NTNG1: variants seen among roughly 807,000 people sequenced by gnomAD.
NTNG1 encodes the protein netrin G1.
NTNG1 carries 16 observed loss-of-function variants against 54.0 expected under a neutral mutation model. That is an observed-to-expected ratio of 0.30 (90% CI 0.20 to 0.45). The LOEUF (loss-of-function observed/expected upper bound fraction) is 0.45. Among genes scored for constraint, NTNG1 ranks in the 20% least tolerant of loss-of-function variants. NTNG1 has a pLI of 1.00. For synonymous variants in NTNG1, 255 were observed against 263.1 expected (o/e 0.97, Z 0.30); for missense variants, 530 against 678.7 (o/e 0.78, Z 2.43).
At chr1:107,171,299 T>C (rs938476787) in intron 2 of NTNG1, among the ~76,000 whole-genome samples, 2 of 152,188 alleles carry the variant, frequency 1.3e-5, no homozygotes, top group South Asian at 4.1e-4. Flanking sequence ...TGTGTGTGTG[T>C]ATATATATAT....
At chr1:107,407,638 AT>A (rs1419822271) in intron 4 of NTNG1, 43 bp from the exon 5 acceptor site, 1 of 1,507,682 alleles carries the variant, frequency 6.6e-7, no homozygotes, top group South Asian at 1.2e-5. Context: ...TTATGTACTA[AT>A]AAATAGCTAA....
At chr1:107,397,981 C>T (rs1436430419) in intron 4 of NTNG1, among the ~76,000 whole-genome samples, 1 of 152,076 alleles carries the variant, frequency 6.6e-6, no homozygotes, top group Non-Finnish European at 1.5e-5. Context: ...CAGGTACACA[C>T]ACACACACAC....
chr1:107,471,194 A>G (rs938503271), intron 7 of NTNG1, among the ~76,000 whole-genome samples: 2 of 152,174 alleles, frequency 1.3e-5, no homozygotes, highest in South Asian at 2.1e-4. Flanking sequence ...GATTACCTAC[A>G]TGTGTCCAAC....
At chr1:107,448,101 T>C (rs1001945233) in intron 7 of NTNG1, among the ~76,000 whole-genome samples, 12 of 152,102 alleles carry the variant, frequency 7.9e-5, no homozygotes, top group African/African-American at 2.2e-4. Flanking sequence ...TCTGAGACGA[T>C]TGACTTCCAG....
chr1:107,374,573 A>C (rs1671115756), intron 3 of NTNG1, among the ~76,000 whole-genome samples: 1 of 152,026 alleles, frequency 6.6e-6, no homozygotes, highest in Non-Finnish European at 1.5e-5. Flanking sequence ...TGGGTCTTTT[A>C]AAAATATATA....
rs571560895 is a variant in NTNG1 at position 107,307,964 on chromosome 1, G to A, written c.247-16318G>A. Among the ~76,000 whole-genome samples the A allele has an allele frequency of 1.0e-3, 158 of 151,744 alleles. 2 individuals are homozygous for A. The South Asian group carries it at 0.03, about 29-fold the overall frequency. On this transcript the variant is annotated intron_variant, in intron 2 of 7. Coordinates refer to ENST00000370068, the MANE Select transcript of NTNG1 (RefSeq NM_001113226.3). ...TCAAAAATATTGTTGGGCCCACTTAGGTCCTTCAGAATATTCACAGCTCAT... is the reference window on the plus strand; with the variant it reads ...TCAAAAATATTGTTGGGCCCACTTAAGTCCTTCAGAATATTCACAGCTCAT...
intron 3 of NTNG1, among the ~76,000 whole-genome samples, chr1:107,366,330 A>G (rs536444542): frequency 1.7e-4 from 26 of 152,300 alleles, no homozygotes; most frequent in African/African-American, 6.0e-4. Context: ...GTCATCACTC[A>G]TATCTCAGAA....
intron 7 of NTNG1, among the ~76,000 whole-genome samples, chr1:107,457,351 A>G (rs1206288037): frequency 6.6e-6 from 1 of 152,234 alleles, no homozygotes; most frequent in Non-Finnish European, 1.5e-5. Flanking sequence ...TCTAGAGGCA[A>G]TGCATTAGAA....
At chr1:107,218,084 A>C (rs1414642280) in intron 2 of NTNG1, among the ~76,000 whole-genome samples, 1 of 152,000 alleles carries the variant, frequency 6.6e-6, no homozygotes, top group Non-Finnish European at 1.5e-5. Context: ...CTGTCTCAGC[A>C]ACACAATAAT....
intron 3 of NTNG1, among the ~76,000 whole-genome samples, chr1:107,358,136 A>G (rs1670051449): frequency 6.6e-6 from 1 of 152,166 alleles, no homozygotes. Flanking sequence ...TGCATATATA[A>G]CAATATGCAC....
intron 7 of NTNG1, among the ~76,000 whole-genome samples, chr1:107,465,228 G>T (rs779246254): frequency 6.6e-6 from 1 of 152,086 alleles, no homozygotes; most frequent in Non-Finnish European, 1.5e-5. Flanking sequence ...TGAGAATCCC[G>T]TTAGGTGCCA....
At chr1:107,284,694 GGAAA>G (rs1477263662) in intron 2 of NTNG1, among the ~76,000 whole-genome samples, 7 of 151,870 alleles carry the variant, frequency 4.6e-5, no homozygotes, top group Admixed American at 4.6e-4. Context: ...AAAGATTGAG[GGAAA>G]GAAAGAATCA....
At chr1:107,327,692 T>TGGG (rs1232430195) in intron 3 of NTNG1, among the ~76,000 whole-genome samples, 1 of 152,104 alleles carries the variant, frequency 6.6e-6, no homozygotes, top group Non-Finnish European at 1.5e-5. Context: ...TTTTTCTACT[T>TGGG]GTTACTTCTA....
chr1:107,208,673 C>T (rs755825621), intron 2 of NTNG1, among the ~76,000 whole-genome samples: 1 of 152,074 alleles, frequency 6.6e-6, no homozygotes, highest in Non-Finnish European at 1.5e-5. Context: ...GAATCATCTC[C>T]CACTTCCAGT....
Position 107,324,895 on chromosome 1 carries a change from C to T in NTNG1, c.860C>T (p.Ala287Val). 6.2e-7 allele frequency: 1 copy of T among 1,611,982 alleles called. No homozygotes were observed. Among genetic ancestry groups the T allele is most frequent in the South Asian group, 1.1e-5 (1 of 90,940 alleles). ...DELHLARYFY[A>V]ISDIKVRGRC... ...CTACACTTGGCACGCTACTTTTACGCGATCTCAGACATAAAGGTGCGAGGA... is the reference window on the plus strand; with the variant it reads ...CTACACTTGGCACGCTACTTTTACGTGATCTCAGACATAAAGGTGCGAGGA... The change falls in exon 3 of 8, where the codon GCG becomes GTG. Residue 287 changes from alanine to valine, a missense_variant. Around this residue, in one of 2 missense-constraint regions of NTNG1, gnomAD observed 318 missense variants for 465.1 expected, o/e 0.68. Coordinates refer to ENST00000370068, the MANE Select transcript of NTNG1 (RefSeq NM_001113226.3).
At chr1:107,331,541 A>G (rs547840417) in intron 3 of NTNG1, among the ~76,000 whole-genome samples, 1 of 152,154 alleles carries the variant, frequency 6.6e-6, no homozygotes, top group Non-Finnish European at 1.5e-5. Context: ...AGACAAAAAT[A>G]AATAAATAAG....
chr1:107,352,319 CT>C (rs1305919552), intron 3 of NTNG1, among the ~76,000 whole-genome samples: 1 of 151,804 alleles, frequency 6.6e-6, no homozygotes, highest in African/African-American at 2.4e-5. Context: ...CTGCAGCAGG[CT>C]TCTGCCTGGA....
intron 2 of NTNG1, among the ~76,000 whole-genome samples, chr1:107,221,418 G>T (rs1660335645): frequency 6.6e-6 from 1 of 152,170 alleles, no homozygotes; most frequent in Non-Finnish European, 1.5e-5. Flanking sequence ...AGTGTTGGAA[G>T]ATTCCAAGCA....
chr1:107,472,361 T>A (rs1274761122), intron 7 of NTNG1, among the ~76,000 whole-genome samples: 1 of 152,228 alleles, frequency 6.6e-6, no homozygotes, highest in African/African-American at 2.4e-5. Context: ...AAAATATTCA[T>A]GCAAATCATA....
Sources: gnomAD v4.1 joint callset for allele counts (sites outside exome capture counted in the v4.1 genomes callset) on GRCh38, gnomAD v4.1.1 for gene constraint, gnomAD v4.1.1 regional missense constraint, MANE v1.5 for transcripts, NCBI Gene and HGNC (gene_info 2026-07-23, HGNC 2026-07-21) for gene names.